Variants in ADAM22 observed in about 807,000 individuals in gnomAD.
ADAM22 encodes ADAM metallopeptidase domain 22, also known as disintegrin and metalloproteinase domain-containing protein 22.
A neutral mutation model predicts 144.6 loss-of-function variants in ADAM22; 65 were observed. The observed-to-expected ratio is 0.45, with a 90% confidence interval of 0.37 to 0.55. ADAM22 has a LOEUF of 0.55. ADAM22 is among the 20% of genes least tolerant of loss of function. The pLI, the probability that ADAM22 is intolerant of heterozygous loss-of-function variation, is 0.00. For missense variants in ADAM22, 974 were observed against 1,184.9 expected, an observed-to-expected ratio of 0.82 and a Z score of 2.61; for synonymous variants, 391 against 412.6, an observed-to-expected ratio of 0.95 and a Z score of 0.63.
chr7:88,201,627 C>T lies in ADAM22; in HGVS notation c.*5136C>T, dbSNP rs1563465058. The T allele has an allele frequency of 6.6e-6, 1 of 152,190 alleles. No individual in the cohort carries two copies. Among genetic ancestry groups the T allele is most frequent in the Non-Finnish European group, 1.5e-5 (1 of 68,046 alleles). 9.4% of individuals were successfully genotyped at this position (152,190 alleles called of 1,614,324 possible). A position where few individuals can be genotyped will look rare whatever the true frequency, so the allele number is the denominator to read the frequency against. ...ACTCCTGCCTGATGCATCCCTGTTG[C>T]ACTGTTCATAAAACCTGTATCATAT... On this transcript the variant is annotated 3_prime_UTR_variant, in exon 32 of 32. Coordinates refer to ENST00000413139, the MANE Select transcript of ADAM22 (RefSeq NM_001324418.2).
At chr7:88,088,290 A>G (rs1251472491) in intron 4 of ADAM22, among the ~76,000 whole-genome samples, 1 of 152,180 alleles carries the variant, frequency 6.6e-6, no homozygotes, top group Non-Finnish European at 1.5e-5. Flanking sequence ...TTCTGTTCAC[A>G]TCTGTCTTCC....
rs527692795 is a variant in ADAM22, at chr7:88,168,461, A to T, written c.2282+234A>T. On this transcript the variant is annotated intron_variant, in intron 25 of 31. Transcript: ENST00000413139. The stretch of plus-strand genomic sequence containing the variant: ...TGTAAAAGAACTGAGTATTATTTAA[A>T]AATCCTTGAAGTGAATTGAAACCAG... 3 of 540,900 alleles carry T rather than the reference A, an allele frequency of 5.5e-6. No homozygotes were observed. In the East Asian group the frequency reaches 1.3e-4, roughly 23 times the overall value. The allele number at this position is 540,900 out of a possible 1,614,324, so 33.5% of individuals were successfully genotyped here. A position where few individuals can be genotyped will look rare whatever the true frequency, so the allele number is the denominator to read the frequency against.
intron 2 of ADAM22, among the ~76,000 whole-genome samples, chr7:87,949,289 G>A (rs1274308443): frequency 1.3e-5 from 2 of 152,150 alleles, no homozygotes; most frequent in Non-Finnish European, 2.9e-5. Context: ...ATTAGGAAAG[G>A]CAGGGCCATG....
chr7:87,965,269 A>G (rs767692813), intron 2 of ADAM22, among the ~76,000 whole-genome samples: 16 of 152,224 alleles, frequency 1.1e-4, no homozygotes, highest in Non-Finnish European at 2.2e-4. Context: ...TATCCTTAAC[A>G]TTAGGGACTT....
At chr7:88,165,802 C>T (rs988893087) in intron 23 of ADAM22, 30 bp from the exon 24 acceptor site, 1 of 1,475,580 alleles carries the variant, frequency 6.8e-7, no homozygotes, top group African/African-American at 1.4e-5. Flanking sequence ...AGAGAGTTGA[C>T]ATTTACTCTA....
At chr7:88,059,087 C>T (rs1226378399) in intron 3 of ADAM22, among the ~76,000 whole-genome samples, 1 of 152,156 alleles carries the variant, frequency 6.6e-6, no homozygotes, top group Non-Finnish European at 1.5e-5. Context: ...AGGTTGCTCT[C>T]TGAACATTGA....
intron 3 of ADAM22, among the ~76,000 whole-genome samples, chr7:88,053,597 AAAGAAAGAAAG>A (rs1297034176): frequency 3.6e-5 from 2 of 56,204 alleles, no homozygotes; most frequent in Admixed American, 1.7e-4. Flanking sequence ...GGAAGGAAAG[AAAGAAAGAAAG>A]AAAGAAAGAA....
intron 3 of ADAM22, among the ~76,000 whole-genome samples, chr7:88,031,453 G>C (rs188634302): frequency 7.2e-5 from 11 of 152,336 alleles, no homozygotes; most frequent in Admixed American, 2.6e-4. Context: ...GAACTTATTG[G>C]GGACTGGAGT....
In ADAM22 at chr7:88,180,007, C is replaced by G. The variant is rs114831991; in HGVS notation, c.2495+878C>G. On this transcript the variant is annotated intron_variant, in intron 27 of 31. Coordinates refer to ENST00000413139, the MANE Select transcript of ADAM22 (RefSeq NM_001324418.2). ...AGGAAACATGACCTGTTCCGGAGTT[C>G]TGTATAGAGTGGATCATCTGTAAAT... 6.4e-3 allele frequency among the ~76,000 whole-genome samples: 970 copies of G among 152,090 alleles called. 10 individuals are homozygous for G. Among genetic ancestry groups the G allele is most frequent in the African/African-American group, 0.022 (921 of 41,548 alleles).
At chr7:87,939,702 T>C (rs1033194287) in intron 2 of ADAM22, among the ~76,000 whole-genome samples, 1 of 152,204 alleles carries the variant, frequency 6.6e-6, no homozygotes, top group Non-Finnish European at 1.5e-5. Flanking sequence ...TTCAGGCTGC[T>C]TGAGTACTAT....
chr7:88,030,185 C>G (rs991074204), intron 3 of ADAM22, among the ~76,000 whole-genome samples: 2 of 151,950 alleles, frequency 1.3e-5, no homozygotes, highest in Admixed American at 1.3e-4. Context: ...AAATTTGTCT[C>G]CTCTGATTAT....
Position 88,132,923 on chromosome 7 carries a change from C to A in ADAM22, c.1049C>A (p.Ser350Ter). The A allele has an allele frequency of 1.9e-6, 3 of 1,613,856 alleles. No homozygotes were observed. Among genetic ancestry groups the A allele is most frequent in the Non-Finnish European group, 2.5e-6 (3 of 1,179,908 alleles). ...SGAAYIGGIC[S>*]LLKGGGVNEF... ...GCAGCTTATATTGGTGGGATTTGCT[C>A]GTTGCTGAAAGGAGGAGGCGTGAAT... The change falls in exon 12 of 32, where the codon TCG becomes TAG. Residue 350 changes from serine (S) to a stop codon, truncating the protein, a stop_gained. Coordinates refer to ENST00000413139, the MANE Select transcript of ADAM22 (RefSeq NM_001324418.2). LOFTEE classifies it high-confidence loss of function.
In ADAM22 at chr7:88,046,268, T is replaced by G. The variant is rs568061565; in HGVS notation, c.324-29358T>G. Among the ~76,000 whole-genome samples the G allele has an allele frequency of 9.7e-4, 148 of 152,272 alleles. 1 individual carries two copies. Among genetic ancestry groups the G allele is most frequent in the Non-Finnish European group, 1.8e-3 (124 of 67,990 alleles). On this transcript the variant is annotated intron_variant, in intron 3 of 31. Coordinates refer to ENST00000413139, the MANE Select transcript of ADAM22 (RefSeq NM_001324418.2). ...TTTTTTGATAAAAGCCATTCTTACT[T>G]GTGTGAGGTGATATCTCATTGTGGT... is the stretch of plus-strand genomic sequence containing the variant.
chr7:88,131,034 G>A (rs1831643158), intron 10 of ADAM22, among the ~76,000 whole-genome samples: 1 of 152,076 alleles, frequency 6.6e-6, no homozygotes, highest in Non-Finnish European at 1.5e-5. Context: ...CTTGAATAGG[G>A]TGCAGGTATT....
At chr7:87,985,312 C>CA (rs887217369) in intron 3 of ADAM22, among the ~76,000 whole-genome samples, 81 of 125,280 alleles carry the variant, frequency 6.5e-4, no homozygotes, top group Admixed American at 9.9e-4. Context: ...GACTCCATCT[C>CA]AAAAAAAAAA....
intron 3 of ADAM22, among the ~76,000 whole-genome samples, chr7:88,056,831 T>G (rs1808370022): frequency 1.3e-5 from 2 of 152,198 alleles, no homozygotes; most frequent in Non-Finnish European, 2.9e-5. Context: ...TTTGATATGA[T>G]TATTAGCTCT....
chr7:88,042,675 C>T (rs1803450793), intron 3 of ADAM22, among the ~76,000 whole-genome samples: 1 of 151,768 alleles, frequency 6.6e-6, no homozygotes, highest in African/African-American at 2.4e-5. Flanking sequence ...ATTTGTGGCT[C>T]AGTTAGTAAT....
chr7:88,087,737 A>T (rs970927642), intron 4 of ADAM22, among the ~76,000 whole-genome samples: 2 of 152,196 alleles, frequency 1.3e-5, no homozygotes, highest in Admixed American at 1.3e-4. Context: ...ATCATCAGTG[A>T]ATGTCTATGT....
chr7:88,160,573 G>T (rs1440191195), intron 22 of ADAM22, among the ~76,000 whole-genome samples: 1 of 152,130 alleles, frequency 6.6e-6, no homozygotes, highest in East Asian at 1.9e-4. Context: ...GCAACCATCT[G>T]ATCTTCGATG....
Sources: gnomAD v4.1 joint callset for allele counts (sites outside exome capture counted in the v4.1 genomes callset) on GRCh38, gnomAD v4.1.1 for gene constraint, MANE v1.5 for transcripts, NCBI Gene and HGNC (gene_info 2026-07-23, HGNC 2026-07-21) for gene names.